The following WNT7B variants were observed in gnomAD, a reference collection of about 807,000 sequenced individuals.
WNT7B encodes the protein protein Wnt-7b.
Under a neutral mutation model 38.2 loss-of-function variants are expected in WNT7B, and 19 were observed. The observed-to-expected ratio is 0.50, with a 90% CI of 0.35 to 0.73. WNT7B has a LOEUF of 0.73. Among genes scored for constraint, WNT7B ranks in the 30% least tolerant of loss-of-function variants. The pLI is 0.01. For synonymous variants in WNT7B, 243 were observed against 209.3 expected, an observed-to-expected ratio of 1.16 and a Z score of -1.39; for missense variants, 423 against 507.9, an observed-to-expected ratio of 0.83 and a Z score of 1.61.
At position 45,923,228 on chromosome 22, in the gene WNT7B, G is replaced by A. The variant is rs748192721; in HGVS notation, c.678C>T (p.His226=). The change falls in exon 4 of 4, where the codon CAC becomes CAT. Residue 226 remains histidine (H), a synonymous_variant. Coordinates refer to ENST00000339464, the MANE Select transcript of WNT7B (RefSeq NM_058238.3). ...TTLPKFREVG[H]LLKEKYNAAV... Reference sequence around the variant, plus strand: ...CCGCGTTGTACTTCTCCTTCAGCAGGTGGCCCACCTCTCGGAACTTGGGCA... The same window carrying A: ...CCGCGTTGTACTTCTCCTTCAGCAGATGGCCCACCTCTCGGAACTTGGGCA... The A allele has an allele frequency of 4.6e-5, 75 of 1,613,310 alleles. No homozygotes were observed. Among genetic ancestry groups the A allele is most frequent in the Non-Finnish European group, 6.2e-5 (73 of 1,180,022 alleles).
At chr22:45,967,724 G>T (rs1330106205) in intron 1 of WNT7B, among the ~76,000 whole-genome samples, 1 of 152,170 alleles carries the variant, frequency 6.6e-6, no homozygotes, top group Non-Finnish European at 1.5e-5. Flanking sequence ...GAGGGGAAGG[G>T]GCGGGAGTGT....
At chr22:45,927,837 G>A (rs536431275) in intron 3 of WNT7B, among the ~76,000 whole-genome samples, 140 of 152,282 alleles carry the variant, frequency 9.2e-4, no homozygotes, top group African/African-American at 1.8e-3. Context: ...CAGAGGTTGC[G>A]GTGAGCAGAG....
chr22:45,956,453 G>A (rs1011849393), intron 1 of WNT7B, among the ~76,000 whole-genome samples: 12 of 152,256 alleles, frequency 7.9e-5, no homozygotes, highest in Admixed American at 7.2e-4. Context: ...CTTCATCTAT[G>A]GGGCCCCAAG....
chr22:45,976,815 CA>C lies in WNT7B; in HGVS notation c.-62del, dbSNP rs1192746521. The C allele has an allele frequency of 3.0e-5, 45 of 1,494,856 alleles. 1 individual carries two copies. In the East Asian group the frequency reaches 6.6e-4, roughly 22 times the overall value. 92.6% of individuals were successfully genotyped at this position (1,494,856 alleles called of 1,614,324 possible). On this transcript the variant is annotated 5_prime_UTR_variant, in exon 1 of 4. Coordinates refer to ENST00000339464, the MANE Select transcript of WNT7B (RefSeq NM_058238.3). This position sits in a 1 kb window ranked among gnomAD's most constrained non-coding sequence, Gnocchi z 8.5. ...GGCCGGAGGGGACGCGCGGGCCCGG[CA>C]GGGCCGGGCAGGGGCCAGGGGGCTG... is the stretch of plus-strand genomic sequence containing the variant.
chr22:45,950,372 C>T (rs956464835), intron 1 of WNT7B, among the ~76,000 whole-genome samples: 3 of 152,266 alleles, frequency 2.0e-5, no homozygotes, highest in African/African-American at 4.8e-5. Flanking sequence ...TGACCCCAGC[C>T]ACACACACCC....
rs185282506 is a variant in WNT7B, at chr22:45,969,946, A to C, written c.71+6738T>G. Among the ~76,000 whole-genome samples, 394 of 152,244 alleles carry C rather than the reference A, an allele frequency of 2.6e-3. 1 individual carries two copies. Among genetic ancestry groups the C allele is most frequent in the African/African-American group, 8.6e-3 (357 of 41,544 alleles). On this transcript the variant is annotated intron_variant, in intron 1 of 3. Coordinates refer to ENST00000339464, the MANE Select transcript of WNT7B (RefSeq NM_058238.3). The stretch of plus-strand genomic sequence containing the variant: ...TCACCCCCACCTCTCACAGCTCTCC[A>C]AGCACTTGCTGCTGGCTGCCTCCCC...
chr22:45,945,214 G>T (rs896358208), intron 2 of WNT7B, among the ~76,000 whole-genome samples: 5 of 152,062 alleles, frequency 3.3e-5, no homozygotes, highest in Non-Finnish European at 7.3e-5. Flanking sequence ...CTCCTGAGTA[G>T]CTGGGAGTAC....
chr22:45,940,624 C>T (rs539556024), intron 2 of WNT7B, among the ~76,000 whole-genome samples: 1 of 152,336 alleles, frequency 6.6e-6, no homozygotes, highest in South Asian at 2.1e-4. Context: ...GCCGAGCACA[C>T]AGCAGGGCAG....
chr22:45,929,697 C>T (rs1931249105), intron 3 of WNT7B, among the ~76,000 whole-genome samples: 2 of 151,326 alleles, frequency 1.3e-5, no homozygotes, highest in African/African-American at 4.9e-5. Context: ...TCCATCCACC[C>T]ATCTTTCCAT....
At position 45,921,588 on chromosome 22, in the gene WNT7B, A is replaced by C. The variant is rs1483734690; in HGVS notation, c.*1268T>G. The C allele has an allele frequency of 6.6e-6, 1 of 151,888 alleles. No homozygotes were observed. Among genetic ancestry groups the C allele is most frequent in the Non-Finnish European group, 1.5e-5 (1 of 67,974 alleles). The allele number at this position is 151,888 out of a possible 1,614,324, so 9.4% of individuals were successfully genotyped here. On this transcript the variant is annotated 3_prime_UTR_variant, in exon 4 of 4. Coordinates refer to ENST00000339464, the MANE Select transcript of WNT7B (RefSeq NM_058238.3). Reference sequence around the variant, plus strand: ...TCAAGTGGGACAAACATCCCTGACCACTCACCACCTGCCTGACCCCCGCGG... The same window carrying C: ...TCAAGTGGGACAAACATCCCTGACCCCTCACCACCTGCCTGACCCCCGCGG...
intron 3 of WNT7B, among the ~76,000 whole-genome samples, chr22:45,929,695 C>CTCATCCCATTTTCCATCCAT (rs1931248374): frequency 7.1e-6 from 1 of 140,262 alleles, no homozygotes; most frequent in Admixed American, 7.0e-5. Flanking sequence ...CTTCCATCCA[C>CTCATCCCATTTTCCATCCAT]CCATCTTTCC....
chr22:45,945,486 T>C (rs1473541869), intron 2 of WNT7B, among the ~76,000 whole-genome samples: 1 of 152,260 alleles, frequency 6.6e-6, no homozygotes, highest in Non-Finnish European at 1.5e-5. Flanking sequence ...TGTATTTGCT[T>C]TGGGGATTTG....
chr22:45,974,744 G>C (rs140453657), intron 1 of WNT7B, among the ~76,000 whole-genome samples: 1 of 152,166 alleles, frequency 6.6e-6, no homozygotes, highest in African/African-American at 2.4e-5. Context: ...ACAGGTGCCC[G>C]GGGCTCAGGC....
At chr22:45,923,406 G>C in intron 3 of WNT7B, 71 bp from the exon 4 acceptor site, 1 of 1,524,298 alleles carries the variant, frequency 6.6e-7, no homozygotes, top group Non-Finnish European at 8.8e-7. Flanking sequence ...CCCTACCCCT[G>C]CCTCTAGCCC....
intron 2 of WNT7B, among the ~76,000 whole-genome samples, chr22:45,937,468 G>T (rs1028634100): frequency 1.3e-5 from 2 of 152,236 alleles, no homozygotes; most frequent in African/African-American, 4.8e-5. Flanking sequence ...AGTCCTGGGG[G>T]CAGGCTGACC....
intron 3 of WNT7B, among the ~76,000 whole-genome samples, chr22:45,929,266 G>A (rs77963598): frequency 0.013 from 2,035 of 152,246 alleles, 48 homozygotes; most frequent in African/African-American, 0.046. Context: ...TTTATGGCAT[G>A]GACTGTGATC....
intron 3 of WNT7B, among the ~76,000 whole-genome samples, chr22:45,928,699 G>C (rs1931178729): frequency 6.6e-6 from 1 of 151,996 alleles, no homozygotes; most frequent in Non-Finnish European, 1.5e-5. Context: ...CCCACACCAA[G>C]TCAGCCCTGG....
chr22:45,946,788 C>T (rs922697702), intron 2 of WNT7B, among the ~76,000 whole-genome samples: 4 of 152,250 alleles, frequency 2.6e-5, no homozygotes, highest in African/African-American at 9.6e-5. Flanking sequence ...CAGAGGCATA[C>T]AAGCACCCAC....
chr22:45,946,217 G>C (rs921778089), intron 2 of WNT7B, among the ~76,000 whole-genome samples: 6 of 152,184 alleles, frequency 3.9e-5, no homozygotes, highest in Non-Finnish European at 7.3e-5. Context: ...GTTAGCCCTG[G>C]AAGCTCCTGT....
Sources: gnomAD v4.1 joint callset for allele counts (sites outside exome capture counted in the v4.1 genomes callset) on GRCh38, gnomAD v4.1.1 for gene constraint, Gnocchi (gnomAD v3.1) non-coding constraint, MANE v1.5 for transcripts, NCBI Gene and HGNC (gene_info 2026-07-23, HGNC 2026-07-21) for gene names.